Variants in CDIN1 observed in about 807,000 individuals in gnomAD.
CDIN1 encodes CDAN1-interacting nuclease 1.
A neutral mutation model predicts 45.3 loss-of-function variants in CDIN1; 33 were observed. That is an observed-to-expected ratio of 0.73 (90% CI 0.55 to 0.97). The LOEUF is 0.97. Among genes scored for constraint, CDIN1 ranks in the 50% least tolerant of loss-of-function variants. CDIN1 has a pLI of 0.00. For missense variants in CDIN1, 303 were observed against 339.4 expected, an observed-to-expected ratio of 0.89 and a Z score of 0.84; for synonymous variants, 118 against 124.4, an observed-to-expected ratio of 0.95 and a Z score of 0.34.
chr15:36,743,887 T>C (rs2044324136), intron 10 of CDIN1, among the ~76,000 whole-genome samples: 1 of 150,950 alleles, frequency 6.6e-6, no homozygotes, highest in South Asian at 2.1e-4. Flanking sequence ...AGAACCTATC[T>C]AAAACAAAAT....
At chr15:36,730,443 T>A (rs2043795738) in intron 10 of CDIN1, among the ~76,000 whole-genome samples, 1 of 152,174 alleles carries the variant, frequency 6.6e-6, no homozygotes, top group African/African-American at 2.4e-5. Flanking sequence ...TTGCATTACC[T>A]TCTACATGAT....
rs1011168303 is a variant in CDIN1, at chr15:36,653,229, A to G, written c.213-869A>G. Among the ~76,000 whole-genome samples, 6 of 152,098 alleles carry G rather than the reference A, an allele frequency of 3.9e-5. No individual in the cohort carries two copies. The East Asian group carries it at 5.8e-4, about 15-fold the overall frequency. ...TGCATATGAGGAGCACTTAACTTATATGGTAGTGGATCGAAGAAGGTGACA... is the reference window on the plus strand; with the variant it reads ...TGCATATGAGGAGCACTTAACTTATGTGGTAGTGGATCGAAGAAGGTGACA... On this transcript the variant is annotated intron_variant, in intron 3 of 10. Coordinates refer to ENST00000566621, the MANE Select transcript of CDIN1 (RefSeq NM_001321759.2).
chr15:36,731,852 C>A (rs2043844138), intron 10 of CDIN1, among the ~76,000 whole-genome samples: 1 of 152,140 alleles, frequency 6.6e-6, no homozygotes, highest in Non-Finnish European at 1.5e-5. Flanking sequence ...AAACAATTCT[C>A]AATTATTTCT....
At chr15:36,703,438 A>G (rs1464044807) in intron 8 of CDIN1, among the ~76,000 whole-genome samples, 1 of 69,042 alleles carries the variant, frequency 1.4e-5, no homozygotes, top group Non-Finnish European at 3.0e-5. Context: ...TATATCAGAA[A>G]GGGATCTGAT....
At chr15:36,682,680 G>C (rs1373013334) in intron 5 of CDIN1, among the ~76,000 whole-genome samples, 1 of 149,708 alleles carries the variant, frequency 6.7e-6, no homozygotes, top group South Asian at 2.1e-4. Flanking sequence ...TGAGATGGGA[G>C]GGTATATTGA....
chr15:36,694,803 GAGACCTCAGTTT>G (rs1193421073), intron 7 of CDIN1, among the ~76,000 whole-genome samples: 1 of 152,170 alleles, frequency 6.6e-6, no homozygotes, highest in Non-Finnish European at 1.5e-5. Flanking sequence ...TGTACCATCA[GAGACCTCAGTTT>G]CATGATTCAA....
At chr15:36,632,835 T>C (rs554438465) in intron 1 of CDIN1, among the ~76,000 whole-genome samples, 27 of 152,238 alleles carry the variant, frequency 1.8e-4, no homozygotes, top group Non-Finnish European at 3.2e-4. Flanking sequence ...TATAATGTGT[T>C]GAAGTTATTA....
intron 10 of CDIN1, among the ~76,000 whole-genome samples, chr15:36,769,604 G>A (rs1256856351): frequency 6.6e-6 from 1 of 152,198 alleles, no homozygotes; most frequent in East Asian, 1.9e-4. Context: ...GGGCACCATA[G>A]CCTAGCCTAA....
chr15:36,683,661 C>A (rs1392019840), intron 5 of CDIN1, among the ~76,000 whole-genome samples: 1 of 19,200 alleles, frequency 5.2e-5, no homozygotes, highest in African/African-American at 2.0e-4. Flanking sequence ...CTGTAAATTA[C>A]CTTGGGCAGT....
chr15:36,718,812 C>CTTTTTTTTTTT (rs3045909), intron 10 of CDIN1, among the ~76,000 whole-genome samples: 19 of 96,626 alleles, frequency 2.0e-4, no homozygotes, highest in Non-Finnish European at 2.5e-4. Flanking sequence ...AATTTGTATG[C>CTTTTTTTTTTT]TTTTTTTTTT....
intron 10 of CDIN1, among the ~76,000 whole-genome samples, chr15:36,803,687 G>C (rs186710447): frequency 6.6e-6 from 1 of 152,274 alleles, no homozygotes; most frequent in Admixed American, 6.5e-5. Context: ...CTGCACTTGA[G>C]AGCTACAGCA....
intron 10 of CDIN1, among the ~76,000 whole-genome samples, chr15:36,774,163 T>TGTGTGTGTGTGTGTGTGTGCGC (rs149222188): frequency 7.0e-6 from 1 of 143,070 alleles, no homozygotes; most frequent in African/African-American, 2.7e-5. Context: ...TGTGTGTGTG[T>TGTGTGTGTGTGTGTGTGTGCGC]GCGCGCGCGC....
intron 5 of CDIN1, among the ~76,000 whole-genome samples, chr15:36,663,561 C>T (rs916655497): frequency 6.6e-6 from 1 of 152,112 alleles, no homozygotes; most frequent in African/African-American, 2.4e-5. Context: ...TATACGGGCT[C>T]TTCCTTTTTG....
At chr15:36,671,845 T>G (rs2041463719) in intron 5 of CDIN1, among the ~76,000 whole-genome samples, 2 of 152,146 alleles carry the variant, frequency 1.3e-5, no homozygotes, top group African/African-American at 4.8e-5. Flanking sequence ...GTTCTGAAAA[T>G]TGAGCCTTGT....
At chr15:36,635,023 G>T (rs1183963184) in intron 1 of CDIN1, among the ~76,000 whole-genome samples, 5 of 152,190 alleles carry the variant, frequency 3.3e-5, no homozygotes, top group African/African-American at 1.2e-4. Context: ...ACTTTTGACA[G>T]CTTTATAGGG....
chr15:36,773,753 G>C (rs1454970330), intron 10 of CDIN1, among the ~76,000 whole-genome samples: 1 of 152,220 alleles, frequency 6.6e-6, no homozygotes, highest in Admixed American at 6.5e-5. Flanking sequence ...TTGGGTGAGA[G>C]GTACTGGGAA....
At chr15:36,613,590 G>C in intron 1 of CDIN1, 1 of 1,473,500 alleles carries the variant, frequency 6.8e-7, no homozygotes, top group Non-Finnish European at 9.4e-7. Flanking sequence ...GGAGAAAGGC[G>C]GGCCCGGGAA....
At chr15:36,605,004 C>T (rs901721565) in intron 1 of CDIN1, among the ~76,000 whole-genome samples, 4 of 152,012 alleles carry the variant, frequency 2.6e-5, no homozygotes, top group Middle Eastern at 3.2e-3. Flanking sequence ...AAAGGAAAGA[C>T]GGAAGTAAGG....
At chr15:36,707,090 AGAG>A (rs1253435090) in intron 8 of CDIN1, 4 of 152,138 alleles carry the variant, frequency 2.6e-5, no homozygotes, top group Admixed American at 2.0e-4. Context: ...AGGTTGAAAC[AGAG>A]GAGATGGGAC....
Sources: gnomAD v4.1 joint callset for allele counts (sites outside exome capture counted in the v4.1 genomes callset) on GRCh38, gnomAD v4.1.1 for gene constraint, MANE v1.5 for transcripts, NCBI Gene and HGNC (gene_info 2026-07-23, HGNC 2026-07-21) for gene names.